MCUB: variants seen among roughly 807,000 people sequenced by gnomAD.
MCUB encodes the protein calcium uniporter regulatory subunit MCUb, mitochondrial.
Under a neutral mutation model 41.4 loss-of-function variants are expected in MCUB, and 46 were observed. The ratio of observed to expected loss-of-function variants is 1.11; its 90% CI spans 0.88 to 1.42. MCUB has a LOEUF of 1.42. MCUB is among the 40% of genes most tolerant of loss of function. The pLI, the probability that MCUB is intolerant of heterozygous loss-of-function variation, is 0.00. For synonymous variants in MCUB, 148 were observed against 148.2 expected, an observed-to-expected ratio of 1.00 and a Z score of 0.01; for missense variants, 403 against 404.9, an observed-to-expected ratio of 1.00 and a Z score of 0.04.
chr4:109,593,519 C>A (rs1727487156), intron 1 of MCUB, among the ~76,000 whole-genome samples: 1 of 152,176 alleles, frequency 6.6e-6, no homozygotes, highest in Non-Finnish European at 1.5e-5. Flanking sequence ...AAAGTGTGTC[C>A]ATTCCTTTCT....
chr4:109,580,348 A>C (rs969395398), intron 1 of MCUB, among the ~76,000 whole-genome samples: 1 of 152,194 alleles, frequency 6.6e-6, no homozygotes, highest in Non-Finnish European at 1.5e-5. Flanking sequence ...ATACGTGTGC[A>C]TGTGTCTGTA....
Position 109,585,817 on chromosome 4 carries a change from G to A in MCUB, c.99+25381G>A, listed in dbSNP as rs185527162. 1.1e-3 allele frequency among the ~76,000 whole-genome samples: 170 copies of A among 152,252 alleles called. 1 individual carries two copies. The highest frequency in any genetic ancestry group is 2.2e-3 in the Admixed American group (34 of 15,286). On this transcript the variant is annotated intron_variant, in intron 1 of 7. Coordinates refer to ENST00000394650, the MANE Select transcript of MCUB (RefSeq NM_017918.5). Reference sequence around the variant, plus strand: ...CTTGTAGAGTTTCTGCCGAGAGATCGGCTGTTAGTCTGATGGGCTTCCCTT... The same window carrying A: ...CTTGTAGAGTTTCTGCCGAGAGATCAGCTGTTAGTCTGATGGGCTTCCCTT...
At chr4:109,658,932 C>T (rs1280915638) in intron 1 of MCUB, 79 bp from the exon 2 acceptor site, 3 of 835,568 alleles carry the variant, frequency 3.6e-6, no homozygotes, top group Non-Finnish European at 6.0e-6. Flanking sequence ...TAAAAAGAAT[C>T]TTATGGTAAA....
chr4:109,576,000 C>G (rs1160618636), intron 1 of MCUB, among the ~76,000 whole-genome samples: 4 of 152,166 alleles, frequency 2.6e-5, no homozygotes, highest in Non-Finnish European at 4.4e-5. Flanking sequence ...AGAACTAAGT[C>G]TAGGATTCTC....
chr4:109,573,270 G>A (rs1385103122), intron 1 of MCUB, among the ~76,000 whole-genome samples: 1 of 152,140 alleles, frequency 6.6e-6, no homozygotes, highest in Non-Finnish European at 1.5e-5. Context: ...GGCTAACACT[G>A]TGAAACCCCA....
At chr4:109,611,533 A>G (rs1376128262) in intron 1 of MCUB, among the ~76,000 whole-genome samples, 1 of 152,214 alleles carries the variant, frequency 6.6e-6, no homozygotes, top group Non-Finnish European at 1.5e-5. Context: ...CCCCACATCT[A>G]CAAAGAATAC....
At chr4:109,578,230 A>C (rs1036472644) in intron 1 of MCUB, among the ~76,000 whole-genome samples, 6 of 152,170 alleles carry the variant, frequency 3.9e-5, no homozygotes, top group African/African-American at 1.4e-4. Flanking sequence ...TTATCCTCCT[A>C]AGTGCTCATA....
rs1199131143 is a variant in MCUB at position 109,682,824 on chromosome 4, AT to A, written c.612+83del. 52 of 1,043,120 alleles carry A rather than the reference AT, an allele frequency of 5.0e-5. No homozygotes were observed. In the East Asian group the frequency reaches 1.4e-3, roughly 27 times the overall value. 64.6% of individuals were successfully genotyped at this position (1,043,120 alleles called of 1,614,324 possible). On this transcript the variant is annotated intron_variant, in intron 5 of 7. Transcript: ENST00000394650. ...GCTCCTCATGTGAGCATTTTTCTGAATGCTTTCCATATGCTAATTTTCTCCT... is the reference window on the plus strand; with the variant it reads ...GCTCCTCATGTGAGCATTTTTCTGAAGCTTTCCATATGCTAATTTTCTCCT...
At chr4:109,581,393 A>G (rs1221555143) in intron 1 of MCUB, among the ~76,000 whole-genome samples, 4 of 152,236 alleles carry the variant, frequency 2.6e-5, no homozygotes, top group Non-Finnish European at 5.9e-5. Context: ...AAGATGGATT[A>G]AAGACTTAAA....
intron 1 of MCUB, among the ~76,000 whole-genome samples, chr4:109,627,236 G>A (rs1324796527): frequency 6.6e-6 from 1 of 152,120 alleles, no homozygotes. Context: ...ACTGACAGAA[G>A]ATGACCAGTG....
intron 5 of MCUB, among the ~76,000 whole-genome samples, chr4:109,684,011 G>C (rs1007024656): frequency 1.3e-5 from 2 of 151,358 alleles, no homozygotes; most frequent in African/African-American, 4.9e-5. Context: ...TTTTCCATAT[G>C]TCTGACCTCT....
intron 1 of MCUB, among the ~76,000 whole-genome samples, chr4:109,619,542 A>C (rs536738077): frequency 1.3e-5 from 2 of 152,240 alleles, no homozygotes; most frequent in African/African-American, 4.8e-5. Context: ...ACCCATCTCT[A>C]CTAAAAATAC....
intron 1 of MCUB, among the ~76,000 whole-genome samples, chr4:109,630,686 A>G (rs560087836): frequency 1.3e-3 from 191 of 152,162 alleles, no homozygotes; most frequent in Non-Finnish European, 1.2e-3. Flanking sequence ...GGTTCAAGCA[A>G]TTCTCCTGTC....
chr4:109,571,768 A>G (rs1187774961), intron 1 of MCUB, among the ~76,000 whole-genome samples: 1 of 152,256 alleles, frequency 6.6e-6, no homozygotes, highest in African/African-American at 2.4e-5. Context: ...AAGTGCACAG[A>G]GGATGTTTCA....
chr4:109,567,478 G>C (rs1427983758), intron 1 of MCUB, among the ~76,000 whole-genome samples: 9 of 48,672 alleles, frequency 1.8e-4, no homozygotes, highest in Non-Finnish European at 3.6e-5. Flanking sequence ...AGACCATCTT[G>C]GCCAACATGG....
intron 3 of MCUB, among the ~76,000 whole-genome samples, chr4:109,663,580 T>C (rs982157096): frequency 6.6e-6 from 1 of 152,244 alleles, no homozygotes; most frequent in African/African-American, 2.4e-5. Flanking sequence ...CTCTTCATTT[T>C]TTTCAAGCTT....
chr4:109,648,587 A>C (rs1246106277), intron 1 of MCUB: 4 of 436,486 alleles, frequency 9.2e-6, no homozygotes, highest in Non-Finnish European at 1.8e-5. Flanking sequence ...TGAAATATTA[A>C]GATAACTTTC....
At chr4:109,564,187 C>T (rs1418640128) in intron 1 of MCUB, among the ~76,000 whole-genome samples, 1 of 151,722 alleles carries the variant, frequency 6.6e-6, no homozygotes, top group African/African-American at 2.4e-5. Flanking sequence ...AGCTGGAGTG[C>T]AGTGGCGCAA....
chr4:109,647,757 G>A (rs962445401), intron 1 of MCUB, among the ~76,000 whole-genome samples: 3 of 152,174 alleles, frequency 2.0e-5, no homozygotes, highest in African/African-American at 7.2e-5. Flanking sequence ...CCACAGTCTA[G>A]TATTAATAGT....
Sources: allele counts gnomAD v4.1 joint callset (sites outside exome capture counted in the v4.1 genomes callset), GRCh38; gene constraint gnomAD v4.1.1; transcripts MANE v1.5; gene names NCBI Gene and HGNC (gene_info 2026-07-23, HGNC 2026-07-21).